The following LCT variants were observed in gnomAD, a reference collection of about 807,000 sequenced individuals.
The protein encoded by LCT is lactase/phlorizin hydrolase.
A neutral mutation model predicts 173.0 loss-of-function variants in LCT; 90 were observed. The observed-to-expected ratio is 0.52, with a 90% CI of 0.44 to 0.62. The LOEUF (loss-of-function observed/expected upper bound fraction) is 0.62, where lower values mean the gene tolerates loss of function less well. LCT is among the 20% of genes least tolerant of loss of function. The probability of loss-of-function intolerance (pLI) is 0.00; values close to 1 mark genes in which losing one functional copy is unlikely to be tolerated. For synonymous variants in LCT, 853 were observed against 957.6 expected, an observed-to-expected ratio of 0.89 and a Z score of 2.02; for missense variants, 1,864 against 2,431.4, an observed-to-expected ratio of 0.77 and a Z score of 4.91.
intron 3 of LCT, among the ~76,000 whole-genome samples, chr2:135,828,490 AGG>A (rs1040061486): frequency 6.6e-6 from 1 of 152,178 alleles, no homozygotes; most frequent in Non-Finnish European, 1.5e-5. Context: ...CTGAAGAGGC[AGG>A]GGGTCCAATG....
intron 6 of LCT, among the ~76,000 whole-genome samples, chr2:135,815,682 G>C (rs1575342480): frequency 6.6e-6 from 1 of 150,710 alleles, no homozygotes; most frequent in Non-Finnish European, 1.5e-5. Flanking sequence ...ACAGGAAATA[G>C]TATTATTATT....
chr2:135,816,905 G>T (rs1281037964), intron 6 of LCT, among the ~76,000 whole-genome samples: 3 of 149,856 alleles, frequency 2.0e-5, no homozygotes, highest in African/African-American at 7.4e-5. Context: ...GTCTTGCTCT[G>T]TTGACCAGGC....
Position 135,808,521 on chromosome 2 carries a change from C to T in LCT, c.3826G>A (p.Val1276Met). The change falls in exon 8 of 17, where the codon GTG (valine) becomes ATG (methionine). Residue 1276 changes from valine (V) to methionine (M), a missense_variant. Physicochemically the swap from Val to Met is conservative, Grantham distance 21 (BLOSUM62 1). This residue lies in a region of LCT where 755 missense variants were observed against 926.3 expected (regional missense o/e 0.82). Transcript: ENST00000264162. ...DIPIYITENG[V>M]GLTNPNTEDT... is the part of the protein sequence containing the mutation. Reference sequence around the variant, plus strand: ...TCCGTGTTCGGATTGGTCAGCCCCACTCCGTTTTCGGTGATGTAAATGGGG... The same window carrying T: ...TCCGTGTTCGGATTGGTCAGCCCCATTCCGTTTTCGGTGATGTAAATGGGG... 6.2e-7 allele frequency: 1 copy of T among 1,614,218 alleles called. No individual in the cohort carries two copies. Among genetic ancestry groups the T allele is most frequent in the Non-Finnish European group, 8.5e-7 (1 of 1,180,040 alleles).
intron 1 of LCT, among the ~76,000 whole-genome samples, chr2:135,836,013 TA>T (rs1679350912): frequency 7.1e-5 from 1 of 14,022 alleles, no homozygotes; most frequent in East Asian, 2.5e-3. Context: ...TATATATATA[TA>T]TGTATACATA....
intron 13 of LCT, 117 bp downstream of exon 13, chr2:135,797,912 T>C: frequency 5.4e-6 from 4 of 743,058 alleles, no homozygotes; most frequent in South Asian, 4.2e-5. Context: ...GCTTTACATA[T>C]ATGATCACAT....
chr2:135,810,568 G>A (rs1405137369), intron 7 of LCT, among the ~76,000 whole-genome samples: 6 of 152,190 alleles, frequency 3.9e-5, no homozygotes, highest in African/African-American at 1.4e-4. Flanking sequence ...CCACCAGGGT[G>A]TCTTGGTTTT....
chr2:135,800,066 T>C (rs2077612718), intron 12 of LCT, among the ~76,000 whole-genome samples: 1 of 152,206 alleles, frequency 6.6e-6, no homozygotes, highest in Non-Finnish European at 1.5e-5. Flanking sequence ...TTTTAAAAAC[T>C]TAAAGACAAC....
chr2:135,800,567 T>G, intron 12 of LCT, 40 bp downstream of exon 12: 1 of 1,496,908 alleles, frequency 6.7e-7, no homozygotes, highest in Non-Finnish European at 9.3e-7. Flanking sequence ...GAAGGAAAGA[T>G]GGACAAGAGT....
At position 135,817,505 on chromosome 2, in the gene LCT, C is replaced by T. The variant is rs766975866; in HGVS notation, c.1543G>A (p.Val515Met). ...QDHGGWQNES[V>M]VDAFLDYAAF... ...GCATAGTCCAGGAAGGCATCCACCA[C>T]GCTCTCATTCTGCCATCCACCATGA... Residue 515 changes from valine to methionine, a missense_variant, in exon 6 of 17, where the codon GTG becomes ATG. By Grantham distance (21) the Val-to-Met change is conservative (BLOSUM62 1). Transcript: ENST00000264162. 14 of 1,614,232 alleles carry T rather than the reference C, an allele frequency of 8.7e-6. No individual in the cohort carries two copies. The highest frequency in any genetic ancestry group is 8.3e-5 in the Admixed American group (5 of 60,020).
chr2:135,794,561 G>A (rs1260071716), intron 14 of LCT, 80 bp downstream of exon 14: 1 of 1,471,186 alleles, frequency 6.8e-7, no homozygotes, highest in Non-Finnish European at 9.5e-7. Context: ...TTGAGGCTGG[G>A]CAGGCCTCAG....
intron 1 of LCT, among the ~76,000 whole-genome samples, chr2:135,836,074 A>G (rs148053295): frequency 0.012 from 1,696 of 147,184 alleles, 30 homozygotes; most frequent in South Asian, 0.046. Flanking sequence ...GCTGTAGTAC[A>G]GTGGCATGAT....
intron 5 of LCT, among the ~76,000 whole-genome samples, chr2:135,818,534 G>T (rs1402402122): frequency 6.6e-6 from 1 of 152,186 alleles, no homozygotes; most frequent in African/African-American, 2.4e-5. Context: ...TACACAGGAG[G>T]AAACTGAGAC....
chr2:135,805,005 A>C lies in LCT; in HGVS notation c.4226T>G (p.Phe1409Cys). The C allele has an allele frequency of 6.2e-7, 1 of 1,614,156 alleles. No individual in the cohort carries two copies. Among genetic ancestry groups the C allele is most frequent in the Non-Finnish European group, 8.5e-7 (1 of 1,180,026 alleles). The change falls in exon 10 of 17, where the codon TTT (phenylalanine) becomes TGT (cysteine). Residue 1409 changes from phenylalanine (F) to cysteine (C), a missense_variant. This residue lies in a region of LCT where 514 missense variants were observed against 750.1 expected (regional missense o/e 0.69). Transcript: ENST00000264162. Reference sequence around the variant, plus strand: ...CTCAACCCTCAGTGGTGTGTGAGAAAACGTGTCCCAAATGCTGAGTCCTTT... The same window carrying C: ...CTCAACCCTCAGTGGTGTGTGAGAACACGTGTCCCAAATGCTGAGTCCTTT... Reference protein sequence around the residue: ...DGKGLSIWDTFSHTPLRVEND... With the variant: ...DGKGLSIWDTCSHTPLRVEND...
intron 11 of LCT, among the ~76,000 whole-genome samples, chr2:135,802,883 G>T (rs879538059): frequency 6.6e-6 from 1 of 152,032 alleles, no homozygotes; most frequent in Non-Finnish European, 1.5e-5. Context: ...AGGCTGAGGC[G>T]GGCGGATTAC....
intron 2 of LCT, among the ~76,000 whole-genome samples, chr2:135,832,525 C>T (rs1308118548): frequency 1.3e-5 from 2 of 151,304 alleles, no homozygotes; most frequent in Non-Finnish European, 2.9e-5. Flanking sequence ...TGCTGTGTCA[C>T]CCAGGCTGGA....
intron 6 of LCT, among the ~76,000 whole-genome samples, chr2:135,816,868 AC>A: frequency 8.4e-6 from 1 of 118,908 alleles, no homozygotes; most frequent in Admixed American, 7.9e-5. Context: ...AAGGTGATTA[AC>A]AATTTTTTTT....
chr2:135,809,341 C>A lies in LCT; in HGVS notation c.3006G>T (p.Arg1002Ser). The A allele has an allele frequency of 6.2e-7, 1 of 1,614,194 alleles. No individual in the cohort carries two copies. Among genetic ancestry groups the A allele is most frequent in the Non-Finnish European group, 8.5e-7 (1 of 1,180,046 alleles). ...INSHGVDYYNRLINGLVASNI... is the reference protein window; with the variant it reads ...INSHGVDYYNSLINGLVASNI... The stretch of plus-strand genomic sequence containing the variant: ...TGCTTGCCACCAAGCCATTGATCAG[C>A]CTGTTGTAATAATCAACCCCATGAC... The change falls in exon 8 of 17, where the codon AGG (arginine) becomes AGT (serine). Residue 1002 changes from arginine to serine, a missense_variant. This residue lies in a region of LCT where 755 missense variants were observed against 926.3 expected (regional missense o/e 0.82). Coordinates refer to ENST00000264162, the MANE Select transcript of LCT (RefSeq NM_002299.4). This position sits in a 1 kb window ranked among gnomAD's most constrained non-coding sequence, Gnocchi z 5.5.
chr2:135,812,385 C>G lies in LCT; in HGVS notation c.2279G>C (p.Gly760Ala), dbSNP rs1265873348. 6.2e-7 allele frequency: 1 copy of G among 1,614,066 alleles called. No individual in the cohort carries two copies. Among genetic ancestry groups the G allele is most frequent in the East Asian group, 2.2e-5 (1 of 44,888 alleles). ...IYLAGNGMPI[G>A]ESENLFDDSL... ...ATCATCAAAGAGATTTTCACTTTCCCCTATGGGCATGCCATTCCCGGCAAG... is the reference window on the plus strand; with the variant it reads ...ATCATCAAAGAGATTTTCACTTTCCGCTATGGGCATGCCATTCCCGGCAAG... Residue 760 changes from glycine to alanine, a missense_variant, in exon 7 of 17, where the codon GGG (glycine) becomes GCG (alanine). Gly to Ala is a moderately conservative substitution (Grantham distance 60). This residue lies in a region of LCT where 755 missense variants were observed against 926.3 expected (regional missense o/e 0.82). Coordinates refer to ENST00000264162, the MANE Select transcript of LCT (RefSeq NM_002299.4).
intron 2 of LCT, among the ~76,000 whole-genome samples, chr2:135,829,915 T>A (rs1451316643): frequency 6.6e-6 from 1 of 151,902 alleles, no homozygotes; most frequent in East Asian, 1.9e-4. Flanking sequence ...TATGTGCTCA[T>A]CCATGCGCCT....
Sources: allele counts gnomAD v4.1 joint callset (sites outside exome capture counted in the v4.1 genomes callset), GRCh38; gene constraint gnomAD v4.1.1; regional missense constraint gnomAD v4.1.1; non-coding constraint Gnocchi (gnomAD v3.1); transcripts MANE v1.5; gene names NCBI Gene and HGNC (gene_info 2026-07-23, HGNC 2026-07-21).